Variants in PPP4R3A observed in about 807,000 individuals in gnomAD.
PPP4R3A encodes protein phosphatase 4 regulatory subunit 3A.
In PPP4R3A, 15 loss-of-function variants were observed where a neutral mutation model predicts 91.7. That is an observed-to-expected ratio of 0.16 (90% CI 0.11 to 0.25). The LOEUF (loss-of-function observed/expected upper bound fraction) is 0.25, where lower values mean the gene tolerates loss of function less well. Among genes scored for constraint, PPP4R3A ranks in the 10% least tolerant of loss-of-function variants. The pLI, the probability that PPP4R3A is intolerant of heterozygous loss-of-function variation, is 1.00. For missense variants in PPP4R3A, 623 were observed against 998.4 expected, an observed-to-expected ratio of 0.62 and a Z score of 5.07; for synonymous variants, 377 against 348.7, an observed-to-expected ratio of 1.08 and a Z score of -0.91.
intron 4 of PPP4R3A, among the ~76,000 whole-genome samples, chr14:91,478,831 T>C (rs1003873489): frequency 7.2e-5 from 11 of 152,242 alleles, no homozygotes; most frequent in African/African-American, 2.7e-4. Context: ...TTATATGTAA[T>C]GTGTGCTACC....
At chr14:91,488,872 T>C (rs1224358185) in intron 2 of PPP4R3A, among the ~76,000 whole-genome samples, 4 of 151,226 alleles carry the variant, frequency 2.6e-5, no homozygotes, top group South Asian at 2.1e-4. Flanking sequence ...GAAAGATATA[T>C]ACTGTTATGA....
At chr14:91,489,469 G>GC (rs1890103073) in intron 2 of PPP4R3A, among the ~76,000 whole-genome samples, 1 of 152,090 alleles carries the variant, frequency 6.6e-6, no homozygotes, top group South Asian at 2.1e-4. Context: ...GACAAATCTA[G>GC]CAAGTTTATA....
At chr14:91,505,948 A>T (rs7148004) in intron 1 of PPP4R3A, among the ~76,000 whole-genome samples, 3,504 of 148,528 alleles carry the variant, frequency 0.024, 141 homozygotes, top group African/African-American at 0.081. Flanking sequence ...TATAATTGAA[A>T]TTTTTTTTTT....
At chr14:91,474,516 G>C (rs145197164) in intron 7 of PPP4R3A, 2 of 152,176 alleles carry the variant, frequency 1.3e-5, no homozygotes, top group Non-Finnish European at 2.9e-5. Context: ...GAGTCCTACT[G>C]TGTGTATTTT....
intron 1 of PPP4R3A, among the ~76,000 whole-genome samples, chr14:91,506,295 C>T (rs1891290273): frequency 6.6e-6 from 1 of 152,092 alleles, no homozygotes. Context: ...TGAAATAAAC[C>T]TTCAGGCTAA....
intron 4 of PPP4R3A, 124 bp from the exon 5 acceptor site, chr14:91,477,110 CTTT>C (rs66932962): frequency 1.8e-3 from 763 of 428,504 alleles, no homozygotes; most frequent in Middle Eastern, 3.4e-3. Flanking sequence ...GCAATGCTGT[CTTT>C]TTTTTTTTTT....
intron 1 of PPP4R3A, 85 bp downstream of exon 1, chr14:91,509,421 G>A: frequency 6.6e-7 from 1 of 1,517,880 alleles, no homozygotes; most frequent in South Asian, 1.2e-5. Flanking sequence ...TTCTCGTGGA[G>A]CGAGCGCCAT....
Position 91,509,839 on chromosome 14 carries a change from C to A in PPP4R3A, c.-192G>T. On this transcript the variant is annotated 5_prime_UTR_variant, in exon 1 of 15. Coordinates refer to ENST00000554943, the MANE Select transcript of PPP4R3A (RefSeq NM_001366432.2). ...CCAGGGACCGAGCTCTGGGCCGCCG[C>A]CTTTCCTCGCCTCCGGCTCCCCGGC... 1.7e-6 allele frequency: 2 copies of A among 1,168,628 alleles called. No individual in the cohort carries two copies. The highest frequency in any genetic ancestry group is 2.1e-6 in the Non-Finnish European group (2 of 950,030). 72.4% of individuals were successfully genotyped at this position (1,168,628 alleles called of 1,614,324 possible).
intron 7 of PPP4R3A, among the ~76,000 whole-genome samples, chr14:91,474,059 G>A (rs1212843270): frequency 3.9e-5 from 6 of 152,144 alleles, no homozygotes; most frequent in South Asian, 2.1e-4. Context: ...GTGAGCCACC[G>A]TGCCTGGTCT....
intron 1 of PPP4R3A, among the ~76,000 whole-genome samples, chr14:91,505,646 A>T (rs998448785): frequency 6.6e-6 from 1 of 152,214 alleles, no homozygotes; most frequent in African/African-American, 2.4e-5. Context: ...TAAAGAAATA[A>T]TCTGAAAATC....
At chr14:91,459,874 A>G (rs1888017268) in intron 14 of PPP4R3A, among the ~76,000 whole-genome samples, 1 of 151,864 alleles carries the variant, frequency 6.6e-6, no homozygotes, top group South Asian at 2.1e-4. Context: ...GCAGCAGATA[A>G]AGAGACCACC....
In PPP4R3A at chr14:91,464,217, A is replaced by G. The variant is rs528235365; in HGVS notation, c.1830+1033T>C. 4.6e-5 allele frequency among the ~76,000 whole-genome samples: 7 copies of G among 152,160 alleles called. No individual in the cohort carries two copies. In the East Asian group the frequency reaches 1.4e-3, roughly 29 times the overall value. ...ATGTCTGTAATCCCAGCTACTCTAG[A>G]GGCTGAGGCAGAAGAATCGCATGAA... is the stretch of plus-strand genomic sequence containing the variant. On this transcript the variant is annotated intron_variant, in intron 11 of 14. Coordinates refer to ENST00000554943, the MANE Select transcript of PPP4R3A (RefSeq NM_001366432.2).
chr14:91,466,725 TTTTCCCAAAACAATATTTTCAG>T (rs1888492352), intron 10 of PPP4R3A, among the ~76,000 whole-genome samples: 1 of 152,192 alleles, frequency 6.6e-6, no homozygotes, highest in African/African-American at 2.4e-5. Context: ...CAAGGGTTTA[TTTTCCCAAAACAATATTTTCAG>T]TTTGTATTTT....
chr14:91,494,810 G>C (rs1371776686), intron 1 of PPP4R3A, among the ~76,000 whole-genome samples: 1 of 152,176 alleles, frequency 6.6e-6, no homozygotes, highest in Admixed American at 6.5e-5. Context: ...AGGTTGCAGT[G>C]AGCCAGGATT....
intron 4 of PPP4R3A, among the ~76,000 whole-genome samples, chr14:91,477,474 C>T (rs905207194): frequency 5.3e-5 from 8 of 152,130 alleles, no homozygotes; most frequent in African/African-American, 1.9e-4. Flanking sequence ...TTTAAAGATA[C>T]AGAGAATGAC....
At position 91,496,983 on chromosome 14, in the gene PPP4R3A, T is replaced by A. The variant is rs1162213271; in HGVS notation, c.143-6181A>T. ...ACAATCCTTACCCCCAACAAGTTTG[T>A]TTGTATTTTGTTGCTATAGCTACAG... On this transcript the variant is annotated intron_variant, in intron 1 of 14. Transcript: ENST00000554943. 2.0e-5 allele frequency among the ~76,000 whole-genome samples: 3 copies of A among 152,142 alleles called. No homozygotes were observed. In the East Asian group the frequency reaches 5.8e-4, roughly 29 times the overall value.
chr14:91,472,643 A>AT (rs986072522), intron 9 of PPP4R3A, among the ~76,000 whole-genome samples: 1 of 151,248 alleles, frequency 6.6e-6, no homozygotes, highest in Non-Finnish European at 1.5e-5. Context: ...TTTTTTTTGT[A>AT]TTTTTTTAGT....
intron 1 of PPP4R3A, among the ~76,000 whole-genome samples, chr14:91,492,538 T>A (rs1209850429): frequency 1.3e-5 from 2 of 152,238 alleles, no homozygotes; most frequent in Non-Finnish European, 2.9e-5. Flanking sequence ...AATTTGTATA[T>A]GTCTTATGCA....
chr14:91,489,056 C>T (rs929545141), intron 2 of PPP4R3A, among the ~76,000 whole-genome samples: 2 of 151,970 alleles, frequency 1.3e-5, no homozygotes, highest in South Asian at 4.2e-4. Flanking sequence ...TGCAGGTACC[C>T]GCCACCACGC....
Sources: allele counts gnomAD v4.1 joint callset (sites outside exome capture counted in the v4.1 genomes callset), GRCh38; gene constraint gnomAD v4.1.1; transcripts MANE v1.5; gene names NCBI Gene and HGNC (gene_info 2026-07-23, HGNC 2026-07-21).